PBX1: variants seen among roughly 807,000 people sequenced by gnomAD.
PBX1 encodes PBX homeobox 1.
Under a neutral mutation model 53.4 loss-of-function variants are expected in PBX1, and 6 were observed. The observed-to-expected ratio is 0.11, with a 90% CI of 0.06 to 0.22. The LOEUF (loss-of-function observed/expected upper bound fraction) is 0.22. PBX1 is among the 10% of genes least tolerant of loss of function. The probability of loss-of-function intolerance (pLI) is 1.00; values close to 1 mark genes in which losing one functional copy is unlikely to be tolerated. For synonymous variants in PBX1, 204 were observed against 212.3 expected, an observed-to-expected ratio of 0.96 and a Z score of 0.34; for missense variants, 251 against 551.4, an observed-to-expected ratio of 0.46 and a Z score of 5.46.
intron 2 of PBX1, among the ~76,000 whole-genome samples, chr1:164,790,057 G>A (rs1162530697): frequency 6.6e-6 from 1 of 151,324 alleles, no homozygotes; most frequent in Admixed American, 6.6e-5. Context: ...CAACCACATA[G>A]AGGTGAAGGA....
intron 2 of PBX1, among the ~76,000 whole-genome samples, chr1:164,731,012 A>C (rs1000087090): frequency 6.6e-6 from 1 of 152,180 alleles, no homozygotes; most frequent in African/African-American, 2.4e-5. Context: ...TCATCAGAAT[A>C]AGGTCAGAAA....
chr1:164,853,996 C>G (rs150827040), downstream of PBX1, among the ~76,000 whole-genome samples: 414 of 151,422 alleles, frequency 2.7e-3, 6 homozygotes, highest in African/African-American at 9.3e-3. Flanking sequence ...ACCTCCACCT[C>G]CTGGGTTCAA....
At chr1:164,749,019 T>G (rs1199517742) in intron 2 of PBX1, among the ~76,000 whole-genome samples, 1 of 152,116 alleles carries the variant, frequency 6.6e-6, no homozygotes, top group East Asian at 1.9e-4. Context: ...GGAAATTTTC[T>G]AAGCTACCAA....
At chr1:164,669,625 TC>T (rs1661006981) in intron 2 of PBX1, among the ~76,000 whole-genome samples, 1 of 152,152 alleles carries the variant, frequency 6.6e-6, no homozygotes, top group South Asian at 2.1e-4. Flanking sequence ...TCTCTGACCT[TC>T]TGTCTCTGGG....
chr1:164,669,371 T>G (rs1056715147), intron 2 of PBX1, among the ~76,000 whole-genome samples: 1 of 152,122 alleles, frequency 6.6e-6, no homozygotes, highest in Non-Finnish European at 1.5e-5. Context: ...GAGAAACCGC[T>G]GCACTGGGAA....
intron 2 of PBX1, among the ~76,000 whole-genome samples, chr1:164,670,086 A>G (rs1661032999): frequency 6.8e-6 from 1 of 146,912 alleles, no homozygotes; most frequent in South Asian, 2.1e-4. Flanking sequence ...AGCCATAGGC[A>G]GAGTCCATGA....
chr1:164,870,291 T>TTCTTTCTTTCTTTCTTTCTTTCTTTCTC (rs1672337407), intron 2 of PBX1, among the ~76,000 whole-genome samples: 1 of 36,700 alleles, frequency 2.7e-5, no homozygotes, highest in Non-Finnish European at 5.4e-5. Context: ...CTTTCTTTCT[T>TTCTTTCTTTCTTTCTTTCTTTCTTTCTC]TCTTTCTTTC....
chr1:164,690,474 A>C (rs1662400610), intron 2 of PBX1, among the ~76,000 whole-genome samples: 1 of 152,162 alleles, frequency 6.6e-6, no homozygotes, highest in Non-Finnish European at 1.5e-5. Flanking sequence ...TGATTTATTT[A>C]AAAAGAATAC....
chr1:164,565,021 C>T (rs1348782608), intron 2 of PBX1, among the ~76,000 whole-genome samples: 1 of 151,948 alleles, frequency 6.6e-6, no homozygotes, highest in Non-Finnish European at 1.5e-5. Flanking sequence ...TTTGAAGATA[C>T]TTTATCAGAT....
At chr1:164,591,011 A>ATT (rs34197119) in intron 2 of PBX1, among the ~76,000 whole-genome samples, 3 of 126,924 alleles carry the variant, frequency 2.4e-5, no homozygotes, top group Non-Finnish European at 3.4e-5. Context: ...CACTTGGCTA[A>ATT]TTTTTTTTTT....
chr1:164,676,078 G>A (rs1661419562), intron 2 of PBX1, among the ~76,000 whole-genome samples: 1 of 152,136 alleles, frequency 6.6e-6, no homozygotes, highest in African/African-American at 2.4e-5. Flanking sequence ...ATAGAGGAGA[G>A]CTGGATTGAA....
intron 2 of PBX1, among the ~76,000 whole-genome samples, chr1:164,699,393 T>G (rs1283136904): frequency 6.6e-6 from 1 of 151,956 alleles, no homozygotes; most frequent in Non-Finnish European, 1.5e-5. Flanking sequence ...GGTTCCAGAG[T>G]CTCTGTTGCC....
chr1:164,778,339 T>C (rs751806155), intron 2 of PBX1, among the ~76,000 whole-genome samples: 1 of 152,162 alleles, frequency 6.6e-6, no homozygotes, highest in East Asian at 1.9e-4. Flanking sequence ...CCATGTCTGT[T>C]TGGTTTGCTT....
At chr1:164,806,002 A>G (rs1399344744) in intron 4 of PBX1, among the ~76,000 whole-genome samples, 2 of 152,240 alleles carry the variant, frequency 1.3e-5, no homozygotes, top group African/African-American at 2.4e-5. Flanking sequence ...TAGCAAGGCC[A>G]TCAGTGCTTT....
chr1:164,821,516 T>C, intron 7 of PBX1, 21 bp from the exon 8 acceptor site: 1 of 1,595,928 alleles, frequency 6.3e-7, no homozygotes, highest in Non-Finnish European at 8.6e-7. Context: ...ATTTTCTCTC[T>C]GTTATTGTTC....
intron 2 of PBX1, among the ~76,000 whole-genome samples, chr1:164,588,095 C>T (rs746576957): frequency 6.6e-6 from 1 of 152,108 alleles, no homozygotes; most frequent in South Asian, 2.1e-4. Context: ...TGGTTGCATG[C>T]GGGCCCCAAA....
intron 5 of PBX1, among the ~76,000 whole-genome samples, chr1:164,811,222 G>GC (rs1669594538): frequency 6.6e-6 from 1 of 152,174 alleles, no homozygotes; most frequent in Non-Finnish European, 1.5e-5. Flanking sequence ...CTTGTGTCTG[G>GC]CAGAGGTCTT....
At chr1:164,665,239 A>G (rs2101958120) in intron 2 of PBX1, among the ~76,000 whole-genome samples, 1 of 152,348 alleles carries the variant, frequency 6.6e-6, no homozygotes, top group South Asian at 2.1e-4. Flanking sequence ...AAACATTTTA[A>G]GAAACTTATT....
At position 164,664,881 on chromosome 1, in the gene PBX1, A is replaced by G. The variant is rs369609157; in HGVS notation, c.265+101570A>G. 7.1e-5 allele frequency among the ~76,000 whole-genome samples: 10 copies of G among 141,710 alleles called. No individual in the cohort carries two copies. The East Asian group carries it at 1.7e-3, about 24-fold the overall frequency. The allele number at this position is 141,710 out of a possible 152,430, so 93.0% of individuals were successfully genotyped here. On this transcript the variant is annotated intron_variant, in intron 2 of 8. Transcript: ENST00000420696. ...CAACGTGGGAAAGACCTGCCCCATG[A>G]TTCAATTACCTCCCACTGAGTCCCT...
Sources: allele counts gnomAD v4.1 joint callset (sites outside exome capture counted in the v4.1 genomes callset), GRCh38; gene constraint gnomAD v4.1.1; transcripts MANE v1.5; gene names NCBI Gene and HGNC (gene_info 2026-07-23, HGNC 2026-07-21).